NAA16: variants seen among roughly 807,000 people sequenced by gnomAD.
The protein encoded by NAA16 is N-alpha-acetyltransferase 16, NatA auxiliary subunit, also known as NARG1-like protein.
In NAA16, 97 loss-of-function variants were observed where a neutral mutation model predicts 110.3. That is an observed-to-expected ratio of 0.88 (90% CI 0.75 to 1.04). The LOEUF (loss-of-function observed/expected upper bound fraction) is 1.04. Ranked by LOEUF, NAA16 falls within the 50% of genes least tolerant of loss-of-function variation. The probability of loss-of-function intolerance (pLI) is 0.00; values close to 1 mark genes in which losing one functional copy is unlikely to be tolerated. For synonymous variants in NAA16, 372 were observed against 330.6 expected (o/e 1.13, Z -1.36); for missense variants, 1,017 against 1,005.1 (o/e 1.01, Z -0.16).
chr13:41,311,390 G>GC lies in NAA16; in HGVS notation c.-138dup, dbSNP rs2041550407. ...TGCCGAACAGCCAGGCTGCCCAATT[G>GC]CAACTGTAGACCAATGAACTAATCC... On this transcript the variant is annotated 5_prime_UTR_variant, in exon 1 of 20. Coordinates refer to ENST00000379406, the MANE Select transcript of NAA16 (RefSeq NM_024561.5). The GC allele has an allele frequency of 2.6e-6, 2 of 772,582 alleles. No individual in the cohort carries two copies. The highest frequency in any genetic ancestry group is 4.2e-6 in the Non-Finnish European group (2 of 479,764). The allele number at this position is 772,582 out of a possible 1,614,324, so 47.9% of individuals were successfully genotyped here.
At chr13:41,329,636 G>A (rs1238919084) in intron 7 of NAA16, among the ~76,000 whole-genome samples, 3 of 150,508 alleles carry the variant, frequency 2.0e-5, no homozygotes, top group South Asian at 4.2e-4. Flanking sequence ...TATTAATTCT[G>A]GTGTTCTTTT....
At position 41,368,406 on chromosome 13, in the gene NAA16, CAA is replaced by C. The variant is rs148739757; in HGVS notation, c.1754-682_1754-681del. 2.6e-3 allele frequency among the ~76,000 whole-genome samples: 391 copies of C among 152,218 alleles called. 2 individuals are homozygous for C. Among genetic ancestry groups the C allele is most frequent in the African/African-American group, 9.0e-3 (374 of 41,526 alleles). The stretch of plus-strand genomic sequence containing the variant: ...TTGAAAGACTTGATACTGAGAAGGA[CAA>C]AGTGATTTGCCTGGAGTCATATATT... On this transcript the variant is annotated intron_variant, in intron 14 of 19. Coordinates refer to ENST00000379406, the MANE Select transcript of NAA16 (RefSeq NM_024561.5).
chr13:41,327,592 T>C (rs1217723056), intron 6 of NAA16, among the ~76,000 whole-genome samples: 4 of 152,050 alleles, frequency 2.6e-5, no homozygotes, highest in Non-Finnish European at 5.9e-5. Context: ...ACACCGTGAA[T>C]GCATTCCTCT....
intron 9 of NAA16, among the ~76,000 whole-genome samples, chr13:41,349,960 CAAAAA>C (rs71086565): frequency 4.7e-5 from 6 of 126,758 alleles, no homozygotes; most frequent in African/African-American, 1.8e-4. Flanking sequence ...GACTCCGTCT[CAAAAA>C]AAAAAAAAAA....
rs2043426826 is a variant in NAA16 at position 41,376,368 on chromosome 13, T to A, written c.*766T>A. On this transcript the variant is annotated 3_prime_UTR_variant, in exon 20 of 20. Transcript: ENST00000379406. ...GTCCTTTTTTCATTGTAATATTTCA[T>A]GGTTTACTATTTCCTTTTAGTATTC... 6.6e-6 allele frequency: 1 copy of A among 152,226 alleles called. No individual in the cohort carries two copies. The highest frequency in any genetic ancestry group is 2.1e-4 in the South Asian group (1 of 4,828). The allele number at this position is 152,226 out of a possible 1,614,324, so 9.4% of individuals were successfully genotyped here. A position where few individuals can be genotyped will look rare whatever the true frequency, so the allele number is the denominator to read the frequency against.
At chr13:41,316,016 C>T (rs949065338) in intron 1 of NAA16, among the ~76,000 whole-genome samples, 5 of 152,242 alleles carry the variant, frequency 3.3e-5, no homozygotes, top group South Asian at 2.1e-4. Flanking sequence ...GCAGTCCTCT[C>T]GCCTTGGCCT....
chr13:41,311,543 G>C lies in NAA16; in HGVS notation c.15G>C (p.Leu5=). The C allele has an allele frequency of 6.2e-7, 1 of 1,607,238 alleles. No individual in the cohort carries two copies. The change falls in exon 1 of 20, where the codon CTG becomes CTC. Residue 5 remains leucine, a synonymous_variant. Transcript: ENST00000379406. ...TGCCGGCCACGATGCCGAACGTGCT[G>C]CTGCCGCCCAAGGAGAGCAACCTCT... MPNV[L]LPPKESNLFK...
intron 1 of NAA16, among the ~76,000 whole-genome samples, chr13:41,316,189 G>A (rs2041804352): frequency 1.3e-5 from 2 of 152,164 alleles, no homozygotes; most frequent in Admixed American, 6.5e-5. Context: ...GAGTGCAGTG[G>A]CATGATCTCG....
At chr13:41,314,411 T>C (rs939432893) in intron 1 of NAA16, among the ~76,000 whole-genome samples, 2 of 152,184 alleles carry the variant, frequency 1.3e-5, no homozygotes, top group African/African-American at 4.8e-5. Context: ...CATTTTTTAT[T>C]TTAAAATATT....
chr13:41,321,129 C>T (rs1032473424), intron 4 of NAA16, among the ~76,000 whole-genome samples: 2 of 151,896 alleles, frequency 1.3e-5, no homozygotes, highest in African/African-American at 4.8e-5. Context: ...GGCCAGACTC[C>T]GTCTCTACAA....
chr13:41,337,399 C>T (rs772159890), intron 9 of NAA16, among the ~76,000 whole-genome samples: 24 of 151,966 alleles, frequency 1.6e-4, no homozygotes, highest in Middle Eastern at 3.4e-3. Context: ...AAAAATTAGC[C>T]GGGCGTGGTG....
intron 1 of NAA16, among the ~76,000 whole-genome samples, chr13:41,315,846 T>G (rs1380241589): frequency 6.6e-6 from 1 of 152,090 alleles, no homozygotes; most frequent in Non-Finnish European, 1.5e-5. Context: ...CATGCCTTAC[T>G]GCAGCCTCAG....
rs764839487 is a variant in NAA16, at chr13:41,323,037, G to A, written c.403-19G>A. On this transcript the variant is annotated intron_variant, in intron 4 of 19. Transcript: ENST00000379406. ...TAATGTTTTAGAGAATATTTAGCAA[G>A]TTAAAACTTTTTTTTTAGGAGACAA... The A allele has an allele frequency of 1.2e-6, 2 of 1,611,588 alleles. No individual in the cohort carries two copies. The highest frequency in any genetic ancestry group is 1.1e-5 in the South Asian group (1 of 90,702).
At chr13:41,332,982 C>G (rs577730975) in intron 8 of NAA16, among the ~76,000 whole-genome samples, 1 of 152,020 alleles carries the variant, frequency 6.6e-6, no homozygotes, top group African/African-American at 2.4e-5. Context: ...CTAATGTTTT[C>G]CAGGGAACAT....
intron 4 of NAA16, 127 bp downstream of exon 4, chr13:41,320,951 C>T (rs9525472): frequency 0.031 from 23,288 of 748,330 alleles, 430 homozygotes; most frequent in Middle Eastern, 0.052. Context: ...AGGTGTATGT[C>T]GCTTGGGACC....
Position 41,354,013 on chromosome 13 carries a change from G to A in NAA16, c.1015-1131G>A, listed in dbSNP as rs549375759. The stretch of plus-strand genomic sequence containing the variant: ...GTCATATTTTCATTGAGTATGTGGT[G>A]TCTGTACATACATGTTTTAGTGAAG... On this transcript the variant is annotated intron_variant, in intron 9 of 19. Transcript: ENST00000379406. 1.2e-4 allele frequency among the ~76,000 whole-genome samples: 18 copies of A among 152,264 alleles called. 1 individual carries two copies. In the South Asian group the frequency reaches 1.5e-3, roughly 12 times the overall value.
chr13:41,373,423 A>G, intron 17 of NAA16: 1 of 302,458 alleles, frequency 3.3e-6, no homozygotes, highest in Non-Finnish European at 4.9e-6. Flanking sequence ...ATGCCCGGCT[A>G]ATTTTTGTAT....
At chr13:41,352,392 T>TGA (rs1243893241) in intron 9 of NAA16, among the ~76,000 whole-genome samples, 17 of 152,036 alleles carry the variant, frequency 1.1e-4, no homozygotes, top group Admixed American at 2.6e-4. Flanking sequence ...CAGTGGCTCA[T>TGA]GCCTGTAATC....
Position 41,311,515 on chromosome 13 carries a change from C to G in NAA16, c.-14C>G, listed in dbSNP as rs757504055. The G allele has an allele frequency of 6.3e-7, 1 of 1,595,812 alleles. No homozygotes were observed. The highest frequency in any genetic ancestry group is 8.5e-7 in the Non-Finnish European group (1 of 1,171,902). On this transcript the variant is annotated 5_prime_UTR_variant, in exon 1 of 20. Transcript: ENST00000379406. Reference sequence around the variant, plus strand: ...AGCCTCCCTGCCGGCCACCTAGCCTCCCTGCCGGCCACGATGCCGAACGTG... The same window carrying G: ...AGCCTCCCTGCCGGCCACCTAGCCTGCCTGCCGGCCACGATGCCGAACGTG...
Sources: gnomAD v4.1 joint callset for allele counts (sites outside exome capture counted in the v4.1 genomes callset) on GRCh38, gnomAD v4.1.1 for gene constraint, MANE v1.5 for transcripts, NCBI Gene and HGNC (gene_info 2026-07-23, HGNC 2026-07-21) for gene names.